Variants in MYO3B observed in about 807,000 individuals in gnomAD.
MYO3B encodes myosin-IIIb.
MYO3B carries 156 observed loss-of-function variants against 174.6 expected under a neutral mutation model. That is an observed-to-expected ratio of 0.89 (90% CI 0.78 to 1.02). MYO3B has a LOEUF of 1.02. Among genes scored for constraint, MYO3B ranks in the 50% least tolerant of loss-of-function variants. The pLI, the probability that MYO3B is intolerant of heterozygous loss-of-function variation, is 0.00. For missense variants in MYO3B, 1,632 were observed against 1,639.4 expected, an observed-to-expected ratio of 1.00 and a Z score of 0.08; for synonymous variants, 563 against 569.1, an observed-to-expected ratio of 0.99 and a Z score of 0.15.
At chr2:170,246,240 G>C (rs2105320322) in intron 7 of MYO3B, among the ~76,000 whole-genome samples, 1 of 152,244 alleles carries the variant, frequency 6.6e-6, no homozygotes, top group South Asian at 2.1e-4. Flanking sequence ...CCCCATGGTT[G>C]ATAATTGAGA....
chr2:170,620,002 GC>G (rs1436081001), intron 32 of MYO3B, among the ~76,000 whole-genome samples: 2 of 151,864 alleles, frequency 1.3e-5, no homozygotes, highest in Non-Finnish European at 2.9e-5. Flanking sequence ...AAGTCACTAA[GC>G]CCAAAGAGAG....
At chr2:170,357,890 C>G (rs1021723688) in intron 8 of MYO3B, among the ~76,000 whole-genome samples, 1 of 152,178 alleles carries the variant, frequency 6.6e-6, no homozygotes, top group Non-Finnish European at 1.5e-5. Flanking sequence ...CAGTGGCTCA[C>G]GCCTGTAATC....
intron 32 of MYO3B, among the ~76,000 whole-genome samples, chr2:170,620,152 TCAAA>T (rs1242520267): frequency 4.6e-5 from 7 of 152,034 alleles, no homozygotes; most frequent in East Asian, 1.9e-4. Context: ...TTGGAGGGTT[TCAAA>T]CAAACAAACA....
chr2:170,447,128 A>G (rs186117688), intron 23 of MYO3B, among the ~76,000 whole-genome samples: 2 of 152,262 alleles, frequency 1.3e-5, no homozygotes, highest in East Asian at 3.9e-4. Context: ...TGCTTCAGAG[A>G]AGAGCTGTGG....
chr2:170,406,696 A>G (rs907214953), intron 21 of MYO3B, among the ~76,000 whole-genome samples: 10 of 120,628 alleles, frequency 8.3e-5, no homozygotes, highest in Admixed American at 4.2e-4. Context: ...GACTCTTACT[A>G]TTTTCCTTTC....
rs183018862 is a variant in MYO3B at position 170,373,777 on chromosome 2, A to G, written c.971+4400A>G. Among the ~76,000 whole-genome samples the G allele has an allele frequency of 9.0e-3, 1,371 of 152,014 alleles. 9 individuals carry two copies. Among genetic ancestry groups the G allele is most frequent in the Admixed American group, 0.015 (226 of 15,256 alleles). ...ACAGAAAGGTTAGATAAAAGTACTC[A>G]GAAAACTTAGGAGAGGAGGCATTGT... is the stretch of plus-strand genomic sequence containing the variant. On this transcript the variant is annotated intron_variant, in intron 9 of 34. Transcript: ENST00000408978.
At chr2:170,474,382 C>T (rs1685176546) in intron 25 of MYO3B, among the ~76,000 whole-genome samples, 1 of 151,882 alleles carries the variant, frequency 6.6e-6, no homozygotes. Flanking sequence ...GAGTCAACCC[C>T]ACTTGAACCA....
At chr2:170,269,131 C>A (rs1280068911) in intron 7 of MYO3B, among the ~76,000 whole-genome samples, 1 of 152,148 alleles carries the variant, frequency 6.6e-6, no homozygotes, top group African/African-American at 2.4e-5. Context: ...GCCTCTTAAT[C>A]TAAGGGGTTC....
At chr2:170,207,163 C>T (rs374443469) in intron 3 of MYO3B, among the ~76,000 whole-genome samples, 55 of 152,118 alleles carry the variant, frequency 3.6e-4, no homozygotes, top group South Asian at 3.1e-3. Flanking sequence ...TATCATTACC[C>T]GCTTACACAG....
At chr2:170,495,453 C>T (rs1163231952) in intron 25 of MYO3B, among the ~76,000 whole-genome samples, 2 of 152,032 alleles carry the variant, frequency 1.3e-5, no homozygotes, top group Non-Finnish European at 2.9e-5. Flanking sequence ...TCTTTCTGAA[C>T]TAAGCTAGAT....
At chr2:170,231,553 G>T (rs1249963876) in intron 6 of MYO3B, among the ~76,000 whole-genome samples, 1 of 152,196 alleles carries the variant, frequency 6.6e-6, no homozygotes, top group Non-Finnish European at 1.5e-5. Flanking sequence ...AACTGTACCA[G>T]AAGAGCCGTA....
chr2:170,303,442 A>G (rs2093679274), intron 7 of MYO3B, among the ~76,000 whole-genome samples: 2 of 152,192 alleles, frequency 1.3e-5, no homozygotes, highest in African/African-American at 2.4e-5. Flanking sequence ...TACATTTTTT[A>G]AATTATGCAT....
intron 1 of MYO3B, chr2:170,180,014 G>GA (rs1361706692): frequency 7.6e-5 from 15 of 196,762 alleles, no homozygotes; most frequent in Non-Finnish European, 1.3e-4. Flanking sequence ...ATAACATCTA[G>GA]AAAAAATATT....
intron 28 of MYO3B, among the ~76,000 whole-genome samples, chr2:170,511,454 C>A (rs1037938711): frequency 6.6e-6 from 1 of 152,100 alleles, no homozygotes; most frequent in African/African-American, 2.4e-5. Context: ...AGGAATGATC[C>A]TAGAGGTGGA....
chr2:170,597,286 G>A (rs779124249), intron 32 of MYO3B, among the ~76,000 whole-genome samples: 3 of 150,884 alleles, frequency 2.0e-5, no homozygotes, highest in African/African-American at 2.4e-5. Context: ...CAGGAGAATC[G>A]CTTGAGCCCA....
rs145895458 is a variant in MYO3B, at chr2:170,363,299, AC to A, written c.816-5920del. Among the ~76,000 whole-genome samples the A allele has an allele frequency of 1.9e-3, 284 of 152,216 alleles. 1 individual carries two copies. Among genetic ancestry groups the A allele is most frequent in the African/African-American group, 6.7e-3 (279 of 41,538 alleles). On this transcript the variant is annotated intron_variant, in intron 8 of 34. Coordinates refer to ENST00000408978, the MANE Select transcript of MYO3B (RefSeq NM_138995.5). ...CATTGCTCACCCTCATGCTTTTCTTACCCAGTTTACTAGTATTTTTAGTTTT... is the reference window on the plus strand; with the variant it reads ...CATTGCTCACCCTCATGCTTTTCTTACCAGTTTACTAGTATTTTTAGTTTT...
intron 6 of MYO3B, among the ~76,000 whole-genome samples, chr2:170,226,855 G>C (rs1017868522): frequency 6.6e-6 from 1 of 152,122 alleles, no homozygotes; most frequent in Non-Finnish European, 1.5e-5. Context: ...CTCCTCTCTG[G>C]GGAGGTGAGA....
chr2:170,370,624 TAC>T (rs55790344), intron 9 of MYO3B, among the ~76,000 whole-genome samples: 6,361 of 129,178 alleles, frequency 0.049, 186 homozygotes, highest in Admixed American at 0.075. Context: ...ACCACCCACC[TAC>T]ACACACACAC....
chr2:170,650,824 C>T (rs2105502848), intron 32 of MYO3B, among the ~76,000 whole-genome samples: 1 of 151,866 alleles, frequency 6.6e-6, no homozygotes, highest in East Asian at 1.9e-4. Context: ...GCTGGGATCA[C>T]AGGTGTGCAC....
Sources: allele counts gnomAD v4.1 joint callset (sites outside exome capture counted in the v4.1 genomes callset), GRCh38; gene constraint gnomAD v4.1.1; transcripts MANE v1.5; gene names NCBI Gene and HGNC (gene_info 2026-07-23, HGNC 2026-07-21).